FAM50B: variants seen among roughly 807,000 people sequenced by gnomAD.
The protein encoded by FAM50B is family with sequence similarity 50 member B.
In FAM50B, 9 loss-of-function variants were observed where a neutral mutation model predicts 25.4. That is an observed-to-expected ratio of 0.35 (90% CI 0.21 to 0.62). FAM50B has a LOEUF of 0.62. Ranked by LOEUF, FAM50B falls within the 20% of genes least tolerant of loss-of-function variation. The probability of loss-of-function intolerance (pLI) is 0.73; values close to 1 mark genes in which losing one functional copy is unlikely to be tolerated. For missense variants in FAM50B, 372 were observed against 477.9 expected, an observed-to-expected ratio of 0.78 and a Z score of 2.07; for synonymous variants, 212 against 204.3, an observed-to-expected ratio of 1.04 and a Z score of -0.32.
the FAM50B span, among the ~76,000 whole-genome samples, chr6:3,836,698 T>C: frequency 3.3e-5 from 5 of 152,244 alleles, no homozygotes; most frequent in Non-Finnish European, 5.9e-5. Flanking sequence ...AATGGCCATC[T>C]GTACATGTTT....
Position 3,851,046 on chromosome 6 carries a change from C to G in FAM50B, c.*257C>G. On this transcript the variant is annotated 3_prime_UTR_variant, in exon 2 of 2. Coordinates refer to ENST00000648326, the MANE Select transcript of FAM50B (RefSeq NM_012135.3). ...AGCTGTATTGAAACCATGACTGGGC[C>G]CACTGTCAGACAGAAATTAGAATAG... 3.9e-6 allele frequency: 2 copies of G among 516,374 alleles called. No homozygotes were observed. Among genetic ancestry groups the G allele is most frequent in the South Asian group, 5.3e-5 (2 of 37,776 alleles). 32.0% of individuals were successfully genotyped at this position (516,374 alleles called of 1,614,324 possible). A position where few individuals can be genotyped will look rare whatever the true frequency, so the allele number is the denominator to read the frequency against.
rs1320412110 is a variant in FAM50B, at chr6:3,850,450, G to C, written c.639G>C (p.Leu213=). The C allele has an allele frequency of 3.7e-6, 6 of 1,613,416 alleles. No homozygotes were observed. Among genetic ancestry groups the C allele is most frequent in the Non-Finnish European group, 5.1e-6 (6 of 1,179,992 alleles). The change falls in exon 2 of 2, where the codon CTG becomes CTC. Residue 213 remains leucine, a synonymous_variant. Coordinates refer to ENST00000648326, the MANE Select transcript of FAM50B (RefSeq NM_012135.3). ...VRKGNTVQQF[L]KKALQGLRKD... is the part of the protein sequence containing the mutation. Reference sequence around the variant, plus strand: ...AGGGCAACACGGTGCAGCAGTTCCTGAAGAAGGCGCTGCAGGGGCTGCGCA... The same window carrying C: ...AGGGCAACACGGTGCAGCAGTTCCTCAAGAAGGCGCTGCAGGGGCTGCGCA...
chr6:3,843,675 C>T, the FAM50B span, among the ~76,000 whole-genome samples: 4 of 152,208 alleles, frequency 2.6e-5, no homozygotes, highest in Admixed American at 6.5e-5. Flanking sequence ...CTTCCCCTTA[C>T]CCCTACCTGA....
In FAM50B at chr6:3,850,193, G is replaced by A. The variant is rs1268554963; in HGVS notation, c.382G>A (p.Asp128Asn). 6.2e-7 allele frequency: 1 copy of A among 1,613,420 alleles called. No homozygotes were observed. The highest frequency in any genetic ancestry group is 8.5e-7 in the Non-Finnish European group (1 of 1,179,864). The change falls in exon 2 of 2, where the codon GAT becomes AAT. Residue 128 changes from aspartate to asparagine, a missense_variant. Asp to Asn is a conservative substitution (Grantham distance 23). This residue lies in a region of FAM50B where 224 missense variants were observed against 232.2 expected (regional missense o/e 0.96). Coordinates refer to ENST00000648326, the MANE Select transcript of FAM50B (RefSeq NM_012135.3). Reference sequence around the variant, plus strand: ...CCTGTCCTTTGCACTAGACGACCTCGATGACCAGGCCGACGCGGCCGAGGC... The same window carrying A: ...CCTGTCCTTTGCACTAGACGACCTCAATGACCAGGCCGACGCGGCCGAGGC... ...SCLSFALDDLDDQADAAEARR... is the reference protein window; with the variant it reads ...SCLSFALDDLNDQADAAEARR...
chr6:3,836,513 C>T, the FAM50B span, among the ~76,000 whole-genome samples: 2 of 152,204 alleles, frequency 1.3e-5, no homozygotes, highest in Admixed American at 1.3e-4. Context: ...CACCATCTAG[C>T]AGACACCAAG....
chr6:3,848,169 GC>G (rs1241810351), upstream of FAM50B, among the ~76,000 whole-genome samples: 11 of 152,350 alleles, frequency 7.2e-5, no homozygotes, highest in East Asian at 1.7e-3. Flanking sequence ...GAGCCAGTAG[GC>G]GCTTGACGCT....
the FAM50B span, among the ~76,000 whole-genome samples, chr6:3,836,356 G>A: frequency 6.6e-6 from 1 of 152,216 alleles, no homozygotes; most frequent in Non-Finnish European, 1.5e-5. Flanking sequence ...GGCAAACCCT[G>A]TGAATATGGT....
chr6:3,836,410 C>T, the FAM50B span, among the ~76,000 whole-genome samples: 1 of 152,176 alleles, frequency 6.6e-6, no homozygotes, highest in Non-Finnish European at 1.5e-5. Context: ...GGATAAAATG[C>T]AGGAAGCTTT....
upstream of FAM50B, among the ~76,000 whole-genome samples, chr6:3,847,431 C>T (rs1328103596): frequency 1.3e-5 from 2 of 152,260 alleles, no homozygotes; most frequent in African/African-American, 4.8e-5. Context: ...TCCTCAGCCT[C>T]ATGAACCAAC....
chr6:3,833,494 G>A, the FAM50B span: 2 of 152,238 alleles, frequency 1.3e-5, no homozygotes, highest in African/African-American at 4.8e-5. Context: ...TTGGTTATGT[G>A]ATCCCAGTTT....
the FAM50B span, among the ~76,000 whole-genome samples, chr6:3,837,147 G>A: frequency 6.6e-6 from 1 of 152,144 alleles, no homozygotes; most frequent in African/African-American, 2.4e-5. Flanking sequence ...AATCATCAGA[G>A]AAAATGTTTG....
At position 3,849,977 on chromosome 6, in the gene FAM50B, G is replaced by C. The variant is rs1398072159; in HGVS notation, c.166G>C (p.Val56Leu). The C allele has an allele frequency of 6.2e-7, 1 of 1,613,804 alleles. No homozygotes were observed. The highest frequency in any genetic ancestry group is 1.3e-5 in the African/African-American group (1 of 74,932). ...GAGGTTCTCGGCGCATTACGACGCC[G>C]TGGAGGCCGAGCTGAAGTCCAGCAC... ...DKRFSAHYDAVEAELKSSTVG... is the reference protein window; with the variant it reads ...DKRFSAHYDALEAELKSSTVG... The change falls in exon 2 of 2, where the codon GTG becomes CTG. Residue 56 changes from valine (V) to leucine (L), a missense_variant. Physicochemically the swap from Val to Leu is conservative, Grantham distance 32. Coordinates refer to ENST00000648326, the MANE Select transcript of FAM50B (RefSeq NM_012135.3).
chr6:3,849,076 C>T (rs1305983253), upstream of FAM50B, among the ~76,000 whole-genome samples: 1 of 152,192 alleles, frequency 6.6e-6, no homozygotes, highest in East Asian at 1.9e-4. Flanking sequence ...TACAGTTGGG[C>T]ACGAGAAGGC....
rs750244023 is a variant in FAM50B at position 3,850,807 on chromosome 6, G to A, written c.*18G>A. The A allele has an allele frequency of 1.7e-5, 28 of 1,608,688 alleles. No individual in the cohort carries two copies. The highest frequency in any genetic ancestry group is 1.7e-4 in the Middle Eastern group (1 of 6,016). ...TCCGCTAACACCCGCCTGCCAGAGC[G>A]GAAACCGGGGGTGGGGGGAGACACT... On this transcript the variant is annotated 3_prime_UTR_variant, in exon 2 of 2. Transcript: ENST00000648326.
chr6:3,842,371 C>CT, the FAM50B span, among the ~76,000 whole-genome samples: 1 of 152,206 alleles, frequency 6.6e-6, no homozygotes, highest in Non-Finnish European at 1.5e-5. Context: ...GTAATGCTTT[C>CT]TACGTGTTTC....
At chr6:3,846,394 A>C (rs542895474), upstream of FAM50B, among the ~76,000 whole-genome samples, 1 of 152,322 alleles carries the variant, frequency 6.6e-6, no homozygotes, top group South Asian at 2.1e-4. Context: ...AATGTGCATA[A>C]TTTCATTAAA....
At chr6:3,836,791 C>T in the FAM50B span, among the ~76,000 whole-genome samples, 3 of 152,170 alleles carry the variant, frequency 2.0e-5, no homozygotes, top group African/African-American at 4.8e-5. Context: ...TTATATTGCA[C>T]ATGTGGCCCA....
chr6:3,833,277 T>C, the FAM50B span, among the ~76,000 whole-genome samples: 2 of 152,170 alleles, frequency 1.3e-5, no homozygotes, highest in South Asian at 4.1e-4. Flanking sequence ...GAATTTAGAA[T>C]CATAAGATCT....
At chr6:3,833,130 G>A in the FAM50B span, among the ~76,000 whole-genome samples, 352 of 152,260 alleles carry the variant, frequency 2.3e-3, no homozygotes, top group Non-Finnish European at 4.2e-3. Context: ...AAAGTGCTGG[G>A]ATTACAGGCA....
Sources: allele counts gnomAD v4.1 joint callset (sites outside exome capture counted in the v4.1 genomes callset), GRCh38; gene constraint gnomAD v4.1.1; regional missense constraint gnomAD v4.1.1; transcripts MANE v1.5; gene names NCBI Gene and HGNC (gene_info 2026-07-23, HGNC 2026-07-21).